DMD: variants seen among roughly 807,000 people sequenced by gnomAD.
The protein encoded by DMD is dystrophin, also known as mutant dystrophin.
Under a neutral mutation model 330.1 loss-of-function variants are expected in DMD, and 63 were observed. The ratio of observed to expected loss-of-function variants is 0.19; its 90% confidence interval spans 0.16 to 0.24. DMD has a LOEUF of 0.24. DMD is among the 10% of genes least tolerant of loss of function. DMD has a pLI of 1.00. For synonymous variants in DMD, 1,223 were observed against 959.8 expected (o/e 1.27, Z -5.07); for missense variants, 3,344 against 2,684.1 (o/e 1.25, Z -5.43).
In DMD at chrX:32,566,015, A is replaced by G. The variant is rs147523341; in HGVS notation, c.1813-134T>C. 1,559 of 550,648 alleles carry G rather than the reference A, an allele frequency of 2.8e-3. 33 individuals are homozygous for G. In the Admixed American group the frequency reaches 0.035, roughly 12 times the overall value. The allele number at this position is 550,648 out of a possible 1,213,427, so 45.4% of individuals were successfully genotyped here. On this transcript the variant is annotated intron_variant, in intron 15 of 78. Coordinates refer to ENST00000357033, the MANE Select transcript of DMD (RefSeq NM_004006.3). ...TTTCAATCGTGCCCGCAAAGGATCA[A>G]AAGTTCAGAAAAATAGAGGTAGAAA... is the stretch of plus-strand genomic sequence containing the variant.
Position 31,841,345 on chromosome X carries a change from C to T in DMD, c.7099-4526G>A, listed in dbSNP as rs73619011. 2.8e-3 allele frequency among the ~76,000 whole-genome samples: 318 copies of T among 111,665 alleles called. 1 individual carries two copies. The highest frequency in any genetic ancestry group is 9.7e-3 in the African/African-American group (298 of 30,785). ...GAGGTTTGTTCATGAGGCTTTAGGA[C>T]GAAGCCCTCTCCGTAACATAAAAGT... On this transcript the variant is annotated intron_variant, in intron 48 of 78. Transcript: ENST00000357033.
intron 47 of DMD, among the ~76,000 whole-genome samples, chrX:31,879,872 A>C (rs971074411): frequency 4.5e-5 from 5 of 112,358 alleles, no homozygotes; most frequent in Non-Finnish European, 1.9e-5. Flanking sequence ...ATTCACATCA[A>C]AGTATAGACA....
At chrX:32,264,135 T>C (rs1310683539) in intron 43 of DMD, among the ~76,000 whole-genome samples, 2 of 110,334 alleles carry the variant, frequency 1.8e-5, no homozygotes, top group African/African-American at 6.6e-5. Flanking sequence ...TGGGGGGTGG[T>C]CACTCCCGTG....
intron 7 of DMD, among the ~76,000 whole-genome samples, chrX:32,793,779 G>A (rs776845861): frequency 3.6e-5 from 4 of 111,222 alleles, no homozygotes; most frequent in East Asian, 5.7e-4. Flanking sequence ...ATTTCCCAAC[G>A]AAGACAGTCC....
At chrX:32,560,912 A>G (rs1427828995) in intron 16 of DMD, among the ~76,000 whole-genome samples, 2 of 111,816 alleles carry the variant, frequency 1.8e-5, no homozygotes, top group Non-Finnish European at 3.8e-5. Flanking sequence ...AAATGCATGT[A>G]TCTTTATAAT....
At chrX:31,695,940 C>T (rs2083430428) in intron 52 of DMD, among the ~76,000 whole-genome samples, 1 of 111,126 alleles carries the variant, frequency 9.0e-6, no homozygotes, top group African/African-American at 3.3e-5. Context: ...ATTCTCACCA[C>T]AAAAATGAGA....
chrX:32,063,306 G>A (rs762858148), intron 44 of DMD, among the ~76,000 whole-genome samples: 2 of 110,515 alleles, frequency 1.8e-5, no homozygotes, highest in Admixed American at 9.7e-5. Context: ...ATCCTTTGGA[G>A]TGATCAATTG....
chrX:32,228,432 T>C (rs1469763701), intron 43 of DMD, among the ~76,000 whole-genome samples: 1 of 111,540 alleles, frequency 9.0e-6, no homozygotes, highest in Non-Finnish European at 1.9e-5. Flanking sequence ...CCTAAAATTA[T>C]GCAATTTCAA....
intron 7 of DMD, among the ~76,000 whole-genome samples, chrX:32,764,354 T>C (rs1261756132): frequency 9.0e-6 from 1 of 111,308 alleles, no homozygotes; most frequent in African/African-American, 3.3e-5. Context: ...ATACAATTTA[T>C]CAGCATTAAG....
intron 63 of DMD, among the ~76,000 whole-genome samples, chrX:31,258,314 G>A (rs1461371276): frequency 8.9e-6 from 1 of 112,462 alleles, no homozygotes. Context: ...ATGCAGGTTG[G>A]TTGCTGGCAC....
intron 6 of DMD, 61 bp downstream of exon 6, chrX:32,816,407 T>C: frequency 2.6e-6 from 3 of 1,159,869 alleles, no homozygotes; most frequent in Admixed American, 2.2e-5. Context: ...GGGAAAAATA[T>C]GTCATCAGAG....
At chrX:32,333,268 G>A (rs2097689813) in intron 41 of DMD, among the ~76,000 whole-genome samples, 1 of 111,370 alleles carries the variant, frequency 9.0e-6, no homozygotes, top group African/African-American at 3.3e-5. Flanking sequence ...CAATCTTGAC[G>A]TCCTCTAAAG....
chrX:33,132,024 C>T (rs1017007387), intron 1 of DMD, among the ~76,000 whole-genome samples: 9 of 112,040 alleles, frequency 8.0e-5, no homozygotes, highest in Non-Finnish European at 1.5e-4. Context: ...CAATGTATCA[C>T]CTTAGGTTAA....
At chrX:31,394,802 T>G (rs749581438) in intron 60 of DMD, among the ~76,000 whole-genome samples, 1 of 111,268 alleles carries the variant, frequency 9.0e-6, no homozygotes, top group African/African-American at 3.3e-5. Flanking sequence ...TCAAAAAAAA[T>G]TTTTTAAAGT....
intron 9 of DMD, among the ~76,000 whole-genome samples, chrX:32,693,645 G>C (rs924052553): frequency 8.9e-6 from 1 of 111,785 alleles, no homozygotes; most frequent in Non-Finnish European, 1.9e-5. Flanking sequence ...TTGCCATGTT[G>C]GCCAGGCTGG....
chrX:32,917,224 T>A (rs148599013), intron 2 of DMD, among the ~76,000 whole-genome samples: 1,236 of 100,622 alleles, frequency 0.012, 23 homozygotes, highest in African/African-American at 0.043. Context: ...CCCTTCACCT[T>A]CTGCCAAGAT....
At chrX:32,731,482 G>A (rs983655253) in intron 7 of DMD, among the ~76,000 whole-genome samples, 3 of 112,815 alleles carry the variant, frequency 2.7e-5, no homozygotes, top group Admixed American at 1.9e-4. Flanking sequence ...CAAAAAGACA[G>A]CAGTAACCTC....
intron 55 of DMD, among the ~76,000 whole-genome samples, chrX:31,600,854 A>T (rs1346870418): frequency 9.4e-6 from 1 of 106,904 alleles, no homozygotes; most frequent in African/African-American, 3.4e-5. Context: ...TCTCCCCAAC[A>T]ACGGCTTCAG....
chrX:32,627,148 GCC>G (rs10543882), intron 11 of DMD, among the ~76,000 whole-genome samples: 8,988 of 32,048 alleles, frequency 0.28, 478 homozygotes, highest in African/African-American at 0.42. Flanking sequence ...CCTCTTCCCC[GCC>G]CCCCCCCCCG....
Sources: allele counts gnomAD v4.1 joint callset (sites outside exome capture counted in the v4.1 genomes callset), GRCh38; gene constraint gnomAD v4.1.1; transcripts MANE v1.5; gene names NCBI Gene and HGNC (gene_info 2026-07-23, HGNC 2026-07-21).